Variants in RAB6A observed in about 807,000 individuals in gnomAD.
RAB6A encodes the protein RAB6A, member RAS oncogene family.
In RAB6A, 8 loss-of-function variants were observed where a neutral mutation model predicts 32.3. That is an observed-to-expected ratio of 0.25 (90% confidence interval 0.15 to 0.45). RAB6A has a LOEUF of 0.45. Ranked by LOEUF, RAB6A falls within the 20% of genes least tolerant of loss-of-function variation. The probability of loss-of-function intolerance (pLI) is 1.00; values close to 1 mark genes in which losing one functional copy is unlikely to be tolerated. For synonymous variants in RAB6A, 73 were observed against 82.1 expected (o/e 0.89, Z 0.60); for missense variants, 104 against 249.4 (o/e 0.42, Z 3.93).
chr11:73,728,181 G>A (rs1418929312), intron 2 of RAB6A, among the ~76,000 whole-genome samples: 2 of 152,086 alleles, frequency 1.3e-5, no homozygotes, highest in Non-Finnish European at 2.9e-5. Flanking sequence ...TTTGTTCTTT[G>A]ATTTTTGGTA....
At chr11:73,732,554 C>T (rs1270205683) in intron 1 of RAB6A, among the ~76,000 whole-genome samples, 1 of 152,014 alleles carries the variant, frequency 6.6e-6, no homozygotes, top group Non-Finnish European at 1.5e-5. Flanking sequence ...CCACCGCGCT[C>T]CAGACTGGGT....
intron 5 of RAB6A, among the ~76,000 whole-genome samples, chr11:73,709,316 T>A (rs1328818518): frequency 6.6e-6 from 1 of 151,846 alleles, no homozygotes; most frequent in Non-Finnish European, 1.5e-5. Context: ...TATTTGGTTA[T>A]CCTGAGGTAC....
chr11:73,702,654 T>TG (rs1945764786), intron 6 of RAB6A, among the ~76,000 whole-genome samples: 1 of 152,184 alleles, frequency 6.6e-6, no homozygotes, highest in Non-Finnish European at 1.5e-5. Flanking sequence ...TCTCTGACTA[T>TG]AACAGAATTA....
intron 1 of RAB6A, among the ~76,000 whole-genome samples, chr11:73,737,630 A>T (rs1465561489): frequency 6.6e-6 from 1 of 152,222 alleles, no homozygotes; most frequent in East Asian, 1.9e-4. Context: ...GGGATGAAGT[A>T]TTGATAATAT....
At chr11:73,722,774 A>G (rs1180255932) in intron 2 of RAB6A, 1 of 152,144 alleles carries the variant, frequency 6.6e-6, no homozygotes, top group Non-Finnish European at 1.5e-5. Context: ...ACATTGCCCC[A>G]TTTAGTTCTC....
At chr11:73,690,906 C>A (rs7395919) in intron 6 of RAB6A, among the ~76,000 whole-genome samples, 5 of 122,782 alleles carry the variant, frequency 4.1e-5, no homozygotes, top group African/African-American at 2.9e-5. Flanking sequence ...AAAAAAAAAA[C>A]CCAAAACACG....
At chr11:73,757,349 G>T (rs543938828) in intron 1 of RAB6A, among the ~76,000 whole-genome samples, 20 of 148,878 alleles carry the variant, frequency 1.3e-4, no homozygotes, top group African/African-American at 4.5e-4. Context: ...GCCATGGGGT[G>T]GGGGGGAGCC....
intron 2 of RAB6A, among the ~76,000 whole-genome samples, chr11:73,723,069 A>C (rs368271578): frequency 2.6e-5 from 4 of 152,184 alleles, no homozygotes; most frequent in African/African-American, 9.6e-5. Flanking sequence ...TCGGCCTCCC[A>C]AAGTGCCAGG....
At chr11:73,745,485 C>T (rs1412512728) in intron 1 of RAB6A, among the ~76,000 whole-genome samples, 1 of 152,170 alleles carries the variant, frequency 6.6e-6, no homozygotes, top group Non-Finnish European at 1.5e-5. Flanking sequence ...TGACTAACGC[C>T]TATAATCCCA....
chr11:73,705,987 G>A (rs1945835773), intron 6 of RAB6A, among the ~76,000 whole-genome samples: 1 of 151,946 alleles, frequency 6.6e-6, no homozygotes, highest in Non-Finnish European at 1.5e-5. Context: ...GAAAAAAAAT[G>A]AACATTCTAA....
chr11:73,703,048 C>T (rs996225913), intron 6 of RAB6A, among the ~76,000 whole-genome samples: 5 of 151,236 alleles, frequency 3.3e-5, no homozygotes, highest in Non-Finnish European at 5.9e-5. Flanking sequence ...AGTAGAACTC[C>T]TGACCTCAAG....
intron 1 of RAB6A, among the ~76,000 whole-genome samples, chr11:73,734,806 A>G (rs556662169): frequency 3.2e-4 from 48 of 152,332 alleles, no homozygotes; most frequent in Admixed American, 2.9e-3. Context: ...AAAAAACTAA[A>G]GGAGAGTGTC....
intron 5 of RAB6A, among the ~76,000 whole-genome samples, chr11:73,710,497 G>A (rs1945939181): frequency 6.6e-6 from 1 of 151,734 alleles, no homozygotes; most frequent in Non-Finnish European, 1.5e-5. Context: ...CAGCACTTTG[G>A]GAGGCCAAGG....
At chr11:73,740,937 A>G (rs938713724) in intron 1 of RAB6A, among the ~76,000 whole-genome samples, 1 of 152,162 alleles carries the variant, frequency 6.6e-6, no homozygotes, top group Non-Finnish European at 1.5e-5. Context: ...GTCGTATTTA[A>G]AAATGGAGAG....
chr11:73,699,588 G>A (rs182360965), intron 6 of RAB6A, among the ~76,000 whole-genome samples: 5 of 152,244 alleles, frequency 3.3e-5, no homozygotes, highest in African/African-American at 9.6e-5. Context: ...CAATAATTAC[G>A]ATGTATCTTA....
chr11:73,748,241 T>C (rs1419319352), intron 1 of RAB6A, among the ~76,000 whole-genome samples: 2 of 152,216 alleles, frequency 1.3e-5, no homozygotes, highest in African/African-American at 4.8e-5. Context: ...AATTCTCTAA[T>C]ATAGAGATCC....
intron 1 of RAB6A, among the ~76,000 whole-genome samples, chr11:73,739,198 T>C (rs1394811205): frequency 1.5e-5 from 2 of 133,146 alleles, no homozygotes; most frequent in African/African-American, 5.8e-5. Flanking sequence ...GGAGCCAAGA[T>C]CACAGCACTG....
chr11:73,724,490 T>G (rs1946187248), intron 2 of RAB6A, among the ~76,000 whole-genome samples: 1 of 149,462 alleles, frequency 6.7e-6, no homozygotes, highest in African/African-American at 2.5e-5. Context: ...TTTCGTTTTT[T>G]TTTTTTTTTT....
intron 2 of RAB6A, among the ~76,000 whole-genome samples, chr11:73,729,107 T>G (rs1048357233): frequency 6.6e-6 from 1 of 152,170 alleles, no homozygotes; most frequent in Admixed American, 6.6e-5. Flanking sequence ...TTTGATTTTA[T>G]TTTATTTTTG....
Sources: allele counts gnomAD v4.1 joint callset (sites outside exome capture counted in the v4.1 genomes callset), GRCh38; gene constraint gnomAD v4.1.1; transcripts MANE v1.5; gene names NCBI Gene and HGNC (gene_info 2026-07-23, HGNC 2026-07-21).